The following CCDC171 variants were observed in gnomAD, a reference collection of about 807,000 sequenced individuals.
CCDC171 encodes the protein coiled-coil domain-containing protein 171.
CCDC171 carries 177 observed loss-of-function variants against 168.2 expected under a neutral mutation model. The ratio of observed to expected loss-of-function variants is 1.05; its 90% CI spans 0.93 to 1.19. CCDC171 has a LOEUF of 1.19. Among genes scored for constraint, CCDC171 ranks in the 50% most tolerant of loss-of-function variants. The pLI is 0.00. For synonymous variants in CCDC171, 687 were observed against 540.8 expected (o/e 1.27, Z -3.75); for missense variants, 1,991 against 1,539.0 (o/e 1.29, Z -4.91).
chr9:15,614,883 GA>G (rs1239599545), intron 6 of CCDC171, among the ~76,000 whole-genome samples: 2 of 152,132 alleles, frequency 1.3e-5, no homozygotes, highest in African/African-American at 4.8e-5. Flanking sequence ...GTAGAAAATA[GA>G]AAAGCTGAAT....
chr9:16,014,462 C>G (rs112308814), intron 3 of CCDC171, among the ~76,000 whole-genome samples: 2,768 of 152,272 alleles, frequency 0.018, 80 homozygotes, highest in African/African-American at 0.062. Context: ...ATTTTGACCT[C>G]CACCCATGAA....
chr9:15,623,480 C>CACAG (rs1554714996), intron 7 of CCDC171, 67 bp downstream of exon 7: 1 of 574,132 alleles, frequency 1.7e-6, no homozygotes, highest in Non-Finnish European at 2.9e-6. Context: ...CGCGCGCACA[C>CACAG]ACACACACAC....
chr9:16,003,556 G>A (rs1289652678), intron 3 of CCDC171, among the ~76,000 whole-genome samples: 1 of 152,128 alleles, frequency 6.6e-6, no homozygotes, highest in East Asian at 1.9e-4. Context: ...TACCTGATAA[G>A]GTGTTGGGGT....
chr9:15,559,824 G>T (rs941103072), intron 1 of CCDC171, among the ~76,000 whole-genome samples: 1 of 151,960 alleles, frequency 6.6e-6, no homozygotes, highest in Admixed American at 6.6e-5. Context: ...TTTTTCCTAG[G>T]CTCGATGGTC....
chr9:15,880,645 T>G (rs1818514635), intron 24 of CCDC171, among the ~76,000 whole-genome samples: 1 of 91,648 alleles, frequency 1.1e-5, no homozygotes, highest in Non-Finnish European at 2.5e-5. Flanking sequence ...TTTTTTTTTT[T>G]TTGTAATTTT....
chr9:15,775,518 C>T (rs750264525), intron 18 of CCDC171, among the ~76,000 whole-genome samples: 1 of 152,152 alleles, frequency 6.6e-6, no homozygotes, highest in Non-Finnish European at 1.5e-5. Flanking sequence ...CAAGGTTTCA[C>T]TGTTTTAGCC....
intron 7 of CCDC171, among the ~76,000 whole-genome samples, chr9:15,647,780 C>T (rs546428093): frequency 6.6e-5 from 10 of 152,216 alleles, no homozygotes; most frequent in Non-Finnish European, 1.5e-4. Flanking sequence ...AAAAAAAGTC[C>T]AGGACCAGAC....
chr9:15,666,083 C>G (rs2048712257), intron 8 of CCDC171, 80 bp from the exon 9 acceptor site: 1 of 1,254,028 alleles, frequency 8.0e-7, no homozygotes, highest in African/African-American at 1.5e-5. Context: ...TAATCTGTTA[C>G]TGACAAAGTA....
In CCDC171 at chr9:15,804,761, T is replaced by C. The variant is rs188941011; in HGVS notation, c.3267+20067T>C. Among the ~76,000 whole-genome samples the C allele has an allele frequency of 1.3e-4, 20 of 150,754 alleles. No homozygotes were observed. The East Asian group carries it at 3.5e-3, about 26-fold the overall frequency. ...TGCTGGCCTCATAGAATGAGTTTGG[T>C]TGGTAAGCTGTTTATTACTGGGAGG... On this transcript the variant is annotated intron_variant, in intron 21 of 25. Coordinates refer to ENST00000380701, the MANE Select transcript of CCDC171 (RefSeq NM_173550.4).
chr9:15,875,341 G>A, intron 24 of CCDC171: 1 of 151,894 alleles, frequency 6.6e-6, no homozygotes, highest in Non-Finnish European at 1.5e-5. Context: ...TTCGGATGCT[G>A]TAGGTATCCT....
intron 1 of CCDC171, among the ~76,000 whole-genome samples, chr9:15,559,878 C>T (rs186850594): frequency 2.6e-5 from 4 of 151,948 alleles, no homozygotes; most frequent in Admixed American, 2.6e-4. Flanking sequence ...ACCGGTTGTT[C>T]CTTTCCATGT....
chr9:15,561,827 T>TA (rs201862632), intron 1 of CCDC171, among the ~76,000 whole-genome samples: 21 of 148,368 alleles, frequency 1.4e-4, no homozygotes, highest in Admixed American at 4.1e-4. Flanking sequence ...TGAAGAAAAT[T>TA]AAAAAAAAAA....
intron 18 of CCDC171, among the ~76,000 whole-genome samples, chr9:15,749,207 G>T (rs931687917): frequency 6.6e-5 from 10 of 150,778 alleles, no homozygotes; most frequent in African/African-American, 2.4e-4. Context: ...AACCAACAAA[G>T]ATCGAAAGAG....
chr9:15,686,107 T>C (rs73644693), intron 10 of CCDC171, among the ~76,000 whole-genome samples: 2,893 of 152,256 alleles, frequency 0.019, 97 homozygotes, highest in African/African-American at 0.066. Context: ...GAGAATTATT[T>C]TTGAACTAGG....
rs1024646763 is a variant in CCDC171 at position 15,819,675 on chromosome 9, C to G, written c.3268-27027C>G. ...TATATATGCACCCAATACAGGAACA[C>G]CCAGATTCATAAAGCAAGTCCTGAG... On this transcript the variant is annotated intron_variant, in intron 21 of 25. Transcript: ENST00000380701. 6.0e-5 allele frequency among the ~76,000 whole-genome samples: 7 copies of G among 117,334 alleles called. 3 individuals are homozygous for G. The highest frequency in any genetic ancestry group is 8.1e-5 in the Admixed American group (1 of 12,416). The allele number at this position is 117,334 out of a possible 152,430, so 77.0% of individuals were successfully genotyped here.
In CCDC171 at chr9:15,777,706, C is replaced by A. The variant is rs1231604382; in HGVS notation, c.2778C>A (p.His926Gln). The A allele has an allele frequency of 6.2e-7, 1 of 1,613,516 alleles. No individual in the cohort carries two copies. Among genetic ancestry groups the A allele is most frequent in the East Asian group, 2.2e-5 (1 of 44,880 alleles). Residue 926 changes from histidine (H) to glutamine (Q), a missense_variant, in exon 19 of 26, where the codon CAC becomes CAA. His to Gln is a conservative substitution (Grantham distance 24). Transcript: ENST00000380701. ...ISLVMECIPLHSSRSITYVEK... is the reference protein window; with the variant it reads ...ISLVMECIPLQSSRSITYVEK... Reference sequence around the variant, plus strand: ...TGGTAATGGAATGTATACCTCTGCACAGTAGCAGGAGTATTACATATGTAG... The same window carrying A: ...TGGTAATGGAATGTATACCTCTGCAAAGTAGCAGGAGTATTACATATGTAG...
chr9:15,728,003 C>G lies in CCDC171; in HGVS notation c.1827C>G (p.Ala609=). Residue 609 remains alanine (A), a synonymous_variant, in exon 15 of 26, where the codon GCC becomes GCG. Coordinates refer to ENST00000380701, the MANE Select transcript of CCDC171 (RefSeq NM_173550.4). ...CAGTCTTACAGGAGAATGTTGATGCCCTGATTGCAGACCTCAACAGGGCTA... is the reference window on the plus strand; with the variant it reads ...CAGTCTTACAGGAGAATGTTGATGCGCTGATTGCAGACCTCAACAGGGCTA... ...LCAVLQENVD[A]LIADLNRANE... 1 of 1,612,712 alleles carries G rather than the reference C, an allele frequency of 6.2e-7. No homozygotes were observed. Among genetic ancestry groups the G allele is most frequent in the Non-Finnish European group, 8.5e-7 (1 of 1,179,306 alleles).
upstream of CCDC171, among the ~76,000 whole-genome samples, chr9:16,038,382 T>C (rs1300548888): frequency 6.6e-6 from 1 of 152,096 alleles, no homozygotes; most frequent in Non-Finnish European, 1.5e-5. Flanking sequence ...ATTTTAAGGG[T>C]ATAAAAGTGA....
intron 6 of CCDC171, among the ~76,000 whole-genome samples, chr9:15,614,965 A>C (rs982798029): frequency 6.6e-6 from 1 of 152,210 alleles, no homozygotes; most frequent in African/African-American, 2.4e-5. Flanking sequence ...AATGAATAAA[A>C]AGAAACATTA....
Sources: allele counts gnomAD v4.1 joint callset (sites outside exome capture counted in the v4.1 genomes callset), GRCh38; gene constraint gnomAD v4.1.1; transcripts MANE v1.5; gene names NCBI Gene and HGNC (gene_info 2026-07-23, HGNC 2026-07-21).